NCAM1: variants seen among roughly 807,000 people sequenced by gnomAD.
NCAM1 encodes the protein neural cell adhesion molecule 1.
In NCAM1, 14 loss-of-function variants were observed where a neutral mutation model predicts 109.8. The observed-to-expected ratio is 0.13, with a 90% CI of 0.08 to 0.20. The LOEUF (loss-of-function observed/expected upper bound fraction) is 0.20. NCAM1 is among the 10% of genes least tolerant of loss of function. NCAM1 has a pLI of 1.00. For synonymous variants in NCAM1, 418 were observed against 442.9 expected (o/e 0.94, Z 0.70); for missense variants, 774 against 1,109.9 (o/e 0.70, Z 4.30).
chr11:113,231,273 G>T, intron 9 of NCAM1: 1 of 1,536,084 alleles, frequency 6.5e-7, no homozygotes, highest in Admixed American at 2.0e-5. Flanking sequence ...GATCTCATGA[G>T]GTAGGGCTGC....
chr11:113,247,430 A>C (rs1555120499), intron 15 of NCAM1, among the ~76,000 whole-genome samples: 1 of 152,104 alleles, frequency 6.6e-6, no homozygotes, highest in Admixed American at 6.6e-5. Context: ...CGACATCCAC[A>C]CAGACAAACC....
chr11:113,175,024 A>G (rs1311307420), intron 1 of NCAM1, among the ~76,000 whole-genome samples: 1 of 152,200 alleles, frequency 6.6e-6, no homozygotes, highest in Admixed American at 6.5e-5. Flanking sequence ...ACTCCTACAA[A>G]ATAAGACTCC....
intron 1 of NCAM1, among the ~76,000 whole-genome samples, chr11:113,141,258 C>G (rs1269664879): frequency 6.6e-6 from 1 of 152,218 alleles, no homozygotes; most frequent in Non-Finnish European, 1.5e-5. Context: ...TGCCCTTAGA[C>G]TCGCATCCCT....
At chr11:113,182,194 A>G (rs1943354531) in intron 1 of NCAM1, among the ~76,000 whole-genome samples, 1 of 152,208 alleles carries the variant, frequency 6.6e-6, no homozygotes, top group Admixed American at 6.5e-5. Context: ...CAAGAGAAGT[A>G]AAAGCCTTGA....
chr11:113,222,141 A>G (rs953260984), intron 9 of NCAM1, among the ~76,000 whole-genome samples: 14 of 152,220 alleles, frequency 9.2e-5, no homozygotes, highest in Non-Finnish European at 1.5e-5. Flanking sequence ...TGGACTTCAG[A>G]TGAGATTCAA....
At chr11:113,220,602 C>CTTTTTTTTTTG (rs1944663320) in intron 8 of NCAM1, among the ~76,000 whole-genome samples, 1 of 75,584 alleles carries the variant, frequency 1.3e-5, no homozygotes, top group African/African-American at 6.1e-5. Context: ...CTCTCTCTCT[C>CTTTTTTTTTTG]TTTTTTTTTT....
chr11:113,184,151 A>C (rs923727753), intron 1 of NCAM1, among the ~76,000 whole-genome samples: 10 of 152,224 alleles, frequency 6.6e-5, no homozygotes, highest in African/African-American at 2.4e-4. Flanking sequence ...ATCAACAAGC[A>C]TAGAGATACC....
chr11:112,974,434 C>T (rs1318791162), intron 1 of NCAM1, among the ~76,000 whole-genome samples: 1 of 152,010 alleles, frequency 6.6e-6, no homozygotes, highest in Admixed American at 6.6e-5. Context: ...GGATGTCACA[C>T]ACTGAAAGAC....
Position 113,246,495 on chromosome 11 carries a change from C to G in NCAM1, c.1828+125C>G, listed in dbSNP as rs1302474420. ...CATTTGAGAGATTTCCTCTTGTTCTCAATTCACATCCAGAATTCATCATTC... is the reference window on the plus strand; with the variant it reads ...CATTTGAGAGATTTCCTCTTGTTCTGAATTCACATCCAGAATTCATCATTC... On this transcript the variant is annotated intron_variant, in intron 15 of 19. Coordinates refer to ENST00000316851, the MANE Select transcript of NCAM1 (RefSeq NM_181351.5). 3 of 661,474 alleles carry G rather than the reference C, an allele frequency of 4.5e-6. No individual in the cohort carries two copies. The African/African-American group carries it at 5.3e-5, about 12-fold the overall frequency. The allele number at this position is 661,474 out of a possible 1,614,324, so 41.0% of individuals were successfully genotyped here. A position where few individuals can be genotyped will look rare whatever the true frequency, so the allele number is the denominator to read the frequency against.
At chr11:113,172,095 T>C (rs1300785009) in intron 1 of NCAM1, among the ~76,000 whole-genome samples, 1 of 152,188 alleles carries the variant, frequency 6.6e-6, no homozygotes, top group Non-Finnish European at 1.5e-5. Context: ...TGATCTTGGA[T>C]TTCTAACCTT....
chr11:113,183,381 CA>C (rs1193017744), intron 1 of NCAM1, among the ~76,000 whole-genome samples: 1 of 152,190 alleles, frequency 6.6e-6, no homozygotes, highest in African/African-American at 2.4e-5. Context: ...CCATTGAAAA[CA>C]ATTTCAAAAT....
intron 1 of NCAM1, chr11:113,197,251 A>G: frequency 4.7e-6 from 1 of 214,666 alleles, no homozygotes; most frequent in Non-Finnish European, 1.0e-5. Context: ...TCACCATCCC[A>G]GGCAAGTGGC....
intron 14 of NCAM1, among the ~76,000 whole-genome samples, chr11:113,235,927 G>A (rs1359621955): frequency 6.6e-6 from 1 of 152,126 alleles, no homozygotes; most frequent in African/African-American, 2.4e-5. Flanking sequence ...TACTACCCTG[G>A]GAAGCTCCTG....
chr11:113,126,440 G>A (rs1274923009), intron 1 of NCAM1, among the ~76,000 whole-genome samples: 1 of 152,028 alleles, frequency 6.6e-6, no homozygotes, highest in Non-Finnish European at 1.5e-5. Flanking sequence ...TCTCCACGTT[G>A]CCTCCATCCC....
intron 1 of NCAM1, among the ~76,000 whole-genome samples, chr11:113,168,942 A>T (rs891672644): frequency 1.3e-5 from 2 of 152,086 alleles, no homozygotes; most frequent in Non-Finnish European, 2.9e-5. Context: ...TTACAGGACT[A>T]AAGAGGTCTT....
In NCAM1 at chr11:112,962,726, C is replaced by T. The variant is rs1452560562; in HGVS notation, c.52+1062C>T. Among the ~76,000 whole-genome samples, 7 of 152,064 alleles carry T rather than the reference C, an allele frequency of 4.6e-5. No individual in the cohort carries two copies. Among genetic ancestry groups the T allele is most frequent in the Admixed American group, 4.6e-4 (7 of 15,274 alleles). ...TCCATCCCGGCCTCCCTGGAAAATTCTTCTGTGCGTGCCCACCCTCCCCTC... is the reference window on the plus strand; with the variant it reads ...TCCATCCCGGCCTCCCTGGAAAATTTTTCTGTGCGTGCCCACCCTCCCCTC... On this transcript the variant is annotated intron_variant, in intron 1 of 19. Transcript: ENST00000316851. This position sits in a 1 kb window ranked among gnomAD's most constrained non-coding sequence, Gnocchi z 5.6.
chr11:113,138,421 G>T (rs1941690138), intron 1 of NCAM1, among the ~76,000 whole-genome samples: 1 of 152,204 alleles, frequency 6.6e-6, no homozygotes, highest in Admixed American at 6.5e-5. Context: ...CCACAGTGTT[G>T]CCTGTGTCTT....
intron 1 of NCAM1, among the ~76,000 whole-genome samples, chr11:112,980,056 A>G (rs1443409374): frequency 2.6e-5 from 4 of 151,780 alleles, no homozygotes; most frequent in African/African-American, 9.7e-5. Context: ...CAGAGCTAAC[A>G]TACACAAATG....
chr11:113,072,159 A>G (rs1938301145), intron 1 of NCAM1, among the ~76,000 whole-genome samples: 1 of 152,172 alleles, frequency 6.6e-6, no homozygotes, highest in African/African-American at 2.4e-5. Flanking sequence ...AAAATTATTG[A>G]TAATTGGTCA....
Sources: allele counts gnomAD v4.1 joint callset (sites outside exome capture counted in the v4.1 genomes callset), GRCh38; gene constraint gnomAD v4.1.1; non-coding constraint Gnocchi (gnomAD v3.1); transcripts MANE v1.5; gene names NCBI Gene and HGNC (gene_info 2026-07-23, HGNC 2026-07-21).